The following RIMBP2 variants were observed in gnomAD, a reference collection of about 807,000 sequenced individuals.
RIMBP2 encodes the protein RIMS binding protein 2.
In RIMBP2, 48 loss-of-function variants were observed where a neutral mutation model predicts 118.6. That is an observed-to-expected ratio of 0.40 (90% CI 0.32 to 0.51). The LOEUF is 0.51. Ranked by LOEUF, RIMBP2 falls within the 20% of genes least tolerant of loss-of-function variation. The pLI is 0.41. For synonymous variants in RIMBP2, 762 were observed against 742.9 expected (o/e 1.03, Z -0.42); for missense variants, 1,551 against 1,768.3 (o/e 0.88, Z 2.20).
At position 130,525,732 on chromosome 12, in the gene RIMBP2, T is replaced by C. The variant is rs1030208637; in HGVS notation, c.-216-7815A>G. The stretch of plus-strand genomic sequence containing the variant: ...GACCCAAGGGGCTCATGTTGGATGA[T>C]GCAGCAGCTTTGATCCCCTGGGCTT... On this transcript the variant is annotated intron_variant, in intron 2 of 22. Transcript: ENST00000690449. The surrounding 1 kb of genome is among the most constrained non-coding windows in gnomAD (Gnocchi z 4.4). Among the ~76,000 whole-genome samples, 7 of 152,162 alleles carry C rather than the reference T, an allele frequency of 4.6e-5. No individual in the cohort carries two copies. The highest frequency in any genetic ancestry group is 7.2e-5 in the African/African-American group (3 of 41,414).
chr12:130,450,084 C>T lies in RIMBP2; in HGVS notation c.581+116G>A, dbSNP rs2078867820. 1.4e-6 allele frequency: 1 copy of T among 696,274 alleles called. No homozygotes were observed. Among genetic ancestry groups the T allele is most frequent in the Non-Finnish European group, 2.5e-6 (1 of 400,700 alleles). 43.1% of individuals were successfully genotyped at this position (696,274 alleles called of 1,614,324 possible). On this transcript the variant is annotated intron_variant, in intron 9 of 22. Coordinates refer to ENST00000690449, the MANE Select transcript of RIMBP2 (RefSeq NM_001393629.1). The surrounding 1 kb of genome is among the most constrained non-coding windows in gnomAD (Gnocchi z 4.8). ...GCCTCCAGGCCAGGCTGAAATCCCACCTTCTCCTCGTGCCCTGGGAGAAGG... is the reference window on the plus strand; with the variant it reads ...GCCTCCAGGCCAGGCTGAAATCCCATCTTCTCCTCGTGCCCTGGGAGAAGG...
At chr12:130,639,801 T>C (rs1441743426) in intron 1 of RIMBP2, among the ~76,000 whole-genome samples, 1 of 152,186 alleles carries the variant, frequency 6.6e-6, no homozygotes, top group African/African-American at 2.4e-5. Flanking sequence ...TAGCTACAAA[T>C]GACAGATCAT....
At position 130,447,932 on chromosome 12, in the gene RIMBP2, G is replaced by T. The variant is rs980592605; in HGVS notation, c.581+2268C>A. Among the ~76,000 whole-genome samples, 2 of 152,132 alleles carry T rather than the reference G, an allele frequency of 1.3e-5. No individual in the cohort carries two copies. On this transcript the variant is annotated intron_variant, in intron 9 of 22. Transcript: ENST00000690449. The surrounding 1 kb of genome is among the most constrained non-coding windows in gnomAD (Gnocchi z 4.4). Reference sequence around the variant, plus strand: ...TGCAGAAATGTCTAAGCAGGTTGCTGAATAATGACAGCAAGAGGAGACACT... The same window carrying T: ...TGCAGAAATGTCTAAGCAGGTTGCTTAATAATGACAGCAAGAGGAGACACT...
In RIMBP2 at chr12:130,517,810, G is replaced by A. The variant is rs2051633310; in HGVS notation, c.-127+18C>T. ...CCTCCAGGGCCCCAGATGGTCTGTG[G>A]ACAGTGGTATCAGCTACCTTGTCAT... is the stretch of plus-strand genomic sequence containing the variant. On this transcript the variant is annotated intron_variant, in intron 3 of 22. Transcript: ENST00000690449. 3 of 974,534 alleles carry A rather than the reference G, an allele frequency of 3.1e-6. No individual in the cohort carries two copies. Among genetic ancestry groups the A allele is most frequent in the South Asian group, 4.8e-5 (1 of 21,048 alleles). 60.4% of individuals were successfully genotyped at this position (974,534 alleles called of 1,614,324 possible). A position where few individuals can be genotyped will look rare whatever the true frequency, so the allele number is the denominator to read the frequency against.
chr12:130,592,332 T>C (rs535240458), intron 2 of RIMBP2, among the ~76,000 whole-genome samples: 11 of 152,176 alleles, frequency 7.2e-5, no homozygotes, highest in Admixed American at 3.9e-4. Context: ...GGGAACGAAA[T>C]AGTGGTCTCT....
intron 1 of RIMBP2, among the ~76,000 whole-genome samples, chr12:130,636,589 G>A (rs916522404): frequency 1.3e-5 from 2 of 152,206 alleles, no homozygotes; most frequent in African/African-American, 4.8e-5. Context: ...CCAGTGTTGA[G>A]TATGTGCCAG....
intron 6 of RIMBP2, among the ~76,000 whole-genome samples, chr12:130,467,640 AATAAATTGGCTG>A (rs1484013835): frequency 1.1e-4 from 16 of 152,216 alleles, no homozygotes; most frequent in African/African-American, 3.9e-4. Flanking sequence ...TCCCTGTCTT[AATAAATTGGCTG>A]TATCTAGGCA....
intron 1 of RIMBP2, among the ~76,000 whole-genome samples, chr12:130,675,854 G>T (rs1264220087): frequency 1.3e-5 from 2 of 152,192 alleles, no homozygotes; most frequent in African/African-American, 4.8e-5. Flanking sequence ...CACTGCCATG[G>T]TCTGAATGTG....
At chr12:130,611,772 C>T (rs1207193085) in intron 2 of RIMBP2, among the ~76,000 whole-genome samples, 3 of 152,158 alleles carry the variant, frequency 2.0e-5, no homozygotes, top group African/African-American at 7.2e-5. Context: ...AGCTCAGGCC[C>T]GGCAAGCAGG....
At chr12:130,646,741 G>A (rs537652019) in intron 1 of RIMBP2, among the ~76,000 whole-genome samples, 8 of 152,366 alleles carry the variant, frequency 5.3e-5, no homozygotes, top group East Asian at 1.9e-4. Context: ...CTCCTACAGG[G>A]CAAGAGAAAG....
intron 1 of RIMBP2, among the ~76,000 whole-genome samples, chr12:130,661,908 T>G (rs2063681419): frequency 6.6e-6 from 1 of 152,196 alleles, no homozygotes; most frequent in Non-Finnish European, 1.5e-5. Context: ...AAGTCTGGAC[T>G]GTGTTCCCTC....
At chr12:130,682,718 C>T (rs928823230) in intron 1 of RIMBP2, among the ~76,000 whole-genome samples, 10 of 152,174 alleles carry the variant, frequency 6.6e-5, no homozygotes, top group Admixed American at 4.6e-4. Context: ...GGGACGGGTC[C>T]AGTCACTCAG....
chr12:130,530,053 A>C (rs759633796), intron 2 of RIMBP2, among the ~76,000 whole-genome samples: 8 of 152,106 alleles, frequency 5.3e-5, no homozygotes, highest in African/African-American at 1.4e-4. Context: ...TCCCAACAGT[A>C]TGTTTCCCTG....
chr12:130,621,838 G>A lies in RIMBP2; in HGVS notation c.-217+6484C>T, dbSNP rs1002843265. Reference sequence around the variant, plus strand: ...TACTGCCCTTGAAGGTAAACCTGGAGCCATCGCTGAACCCAGCCTGGTACT... The same window carrying A: ...TACTGCCCTTGAAGGTAAACCTGGAACCATCGCTGAACCCAGCCTGGTACT... On this transcript the variant is annotated intron_variant, in intron 2 of 22. Transcript: ENST00000690449. The surrounding 1 kb of genome is among the most constrained non-coding windows in gnomAD (Gnocchi z 6.6). Among the ~76,000 whole-genome samples, 1 of 152,124 alleles carries A rather than the reference G, an allele frequency of 6.6e-6. No homozygotes were observed. The highest frequency in any genetic ancestry group is 1.5e-5 in the Non-Finnish European group (1 of 68,036).
Position 130,469,354 on chromosome 12 carries a change from A to C in RIMBP2, c.153+1339T>G. The stretch of plus-strand genomic sequence containing the variant: ...GGTGACAGCGGGATCATGGTGGAGC[A>C]GTCCCTCAGAGGCGGATTGAAGCCA... On this transcript the variant is annotated intron_variant, in intron 6 of 22. Transcript: ENST00000690449. This position sits in a 1 kb window ranked among gnomAD's most constrained non-coding sequence, Gnocchi z 4.8. 6.6e-6 allele frequency among the ~76,000 whole-genome samples: 1 copy of C among 152,256 alleles called. No homozygotes were observed. Among genetic ancestry groups the C allele is most frequent in the Middle Eastern group, 3.4e-3 (1 of 294 alleles).
chr12:130,434,797 T>A lies in RIMBP2; in HGVS notation c.2190A>T (p.Pro730=). ...ASDEEDAYDS[P]DFKRRGASVD... ...CCGAGGCGCCCCTCCTCTTGAAGTC[T>A]GGAGAGTCATAGGCGTCCTCCTCGT... The change falls in exon 14 of 23, where the codon CCA becomes CCT. Residue 730 remains proline, a synonymous_variant. Coordinates refer to ENST00000690449, the MANE Select transcript of RIMBP2 (RefSeq NM_001393629.1). The surrounding 1 kb of genome is among the most constrained non-coding windows in gnomAD (Gnocchi z 5.7). The A allele has an allele frequency of 6.2e-7, 1 of 1,613,960 alleles. No individual in the cohort carries two copies. The highest frequency in any genetic ancestry group is 8.5e-7 in the Non-Finnish European group (1 of 1,180,008).
In RIMBP2 at chr12:130,438,337, C is replaced by A; in HGVS notation, c.1656+28G>T. 3.3e-6 allele frequency: 4 copies of A among 1,214,096 alleles called. 1 individual carries two copies. The highest frequency in any genetic ancestry group is 3.6e-6 in the Non-Finnish European group (3 of 823,328). The allele number at this position is 1,214,096 out of a possible 1,614,324, so 75.2% of individuals were successfully genotyped here. On this transcript the variant is annotated intron_variant, in intron 12 of 22. Coordinates refer to ENST00000690449, the MANE Select transcript of RIMBP2 (RefSeq NM_001393629.1). ...CCTGCTGCGTTAGGGCCTAACAAAC[C>A]CTCCCCACCCACCCAACGAAAACTC...
intron 2 of RIMBP2, among the ~76,000 whole-genome samples, chr12:130,555,164 G>C (rs1333875857): frequency 2.0e-5 from 3 of 152,180 alleles, no homozygotes; most frequent in Admixed American, 2.0e-4. Flanking sequence ...CAGTGTTTGG[G>C]TGCTTAACTA....
intron 11 of RIMBP2, among the ~76,000 whole-genome samples, chr12:130,438,966 C>T (rs1268023703): frequency 6.6e-6 from 1 of 151,974 alleles, no homozygotes; most frequent in African/African-American, 2.4e-5. Flanking sequence ...CCCTCATCCC[C>T]CCGCCCGCCC....
Sources: allele counts gnomAD v4.1 joint callset (sites outside exome capture counted in the v4.1 genomes callset), GRCh38; gene constraint gnomAD v4.1.1; non-coding constraint Gnocchi (gnomAD v3.1); transcripts MANE v1.5; gene names NCBI Gene and HGNC (gene_info 2026-07-23, HGNC 2026-07-21).